The following ZNF208 variants were observed in gnomAD, a reference collection of about 807,000 sequenced individuals.
ZNF208 encodes zinc finger protein 208, also known as zinc finger protein 95.
ZNF208 carries 10 observed loss-of-function variants against 12.1 expected under a neutral mutation model. The observed-to-expected ratio is 0.83, with a 90% confidence interval of 0.51 to 1.40. The LOEUF (loss-of-function observed/expected upper bound fraction) is 1.40, where lower values mean the gene tolerates loss of function less well. Among genes scored for constraint, ZNF208 ranks in the 40% most tolerant of loss-of-function variants. ZNF208 has a pLI of 0.00. For synonymous variants in ZNF208, 497 were observed against 488.4 expected (o/e 1.02, Z -0.23); for missense variants, 1,652 against 1,485.0 (o/e 1.11, Z -1.85).
Position 21,987,784 on chromosome 19 carries a change from A to G in ZNF208, c.131-473T>C, listed in dbSNP as rs548299549. ...ACCACCACTGCTATAGATTAGGTGT[A>G]TGACACACTACCTCCCTTTCACCAT... is the stretch of plus-strand genomic sequence containing the variant. On this transcript the variant is annotated intron_variant, in intron 2 of 3. Coordinates refer to ENST00000397126, the MANE Select transcript of ZNF208 (RefSeq NM_007153.3). Among the ~76,000 whole-genome samples the G allele has an allele frequency of 1.2e-3, 179 of 152,324 alleles. 1 individual carries two copies. Among genetic ancestry groups the G allele is most frequent in the Non-Finnish European group, 1.5e-5 (1 of 68,032 alleles).
intron 3 of ZNF208, among the ~76,000 whole-genome samples, chr19:21,982,654 A>C (rs1301864184): frequency 6.6e-6 from 1 of 152,148 alleles, no homozygotes; most frequent in Non-Finnish European, 1.5e-5. Flanking sequence ...TGGTACTGGT[A>C]TCAAAGCAGA....
intron 4 of ZNF208, among the ~76,000 whole-genome samples, chr19:21,952,239 C>T (rs1969901041): frequency 6.6e-6 from 1 of 152,192 alleles, no homozygotes; most frequent in Non-Finnish European, 1.5e-5. Context: ...GAACAAAAGG[C>T]AGCAGATAGC....
At chr19:21,947,336 G>A (rs1568432876) in intron 4 of ZNF208, among the ~76,000 whole-genome samples, 1 of 152,108 alleles carries the variant, frequency 6.6e-6, no homozygotes. Flanking sequence ...TCCTTTATGA[G>A]ACAAGTTCAT....
intron 4 of ZNF208, among the ~76,000 whole-genome samples, chr19:21,954,380 G>T (rs1286880494): frequency 6.6e-6 from 1 of 152,156 alleles, no homozygotes; most frequent in Admixed American, 6.5e-5. Context: ...TTCAATTCCT[G>T]GATATCCTTG....
At chr19:21,946,942 T>TC (rs979727953) in intron 4 of ZNF208, among the ~76,000 whole-genome samples, 1 of 146,040 alleles carries the variant, frequency 6.8e-6, no homozygotes, top group Admixed American at 6.7e-5. Flanking sequence ...GAACTTCCAG[T>TC]CTTTTTTTTT....
chr19:21,973,180 A>T lies in ZNF208; in HGVS notation c.1854T>A (p.Phe618Leu), dbSNP rs760978496. The T allele has an allele frequency of 2.5e-6, 4 of 1,613,238 alleles. No individual in the cohort carries two copies. Among genetic ancestry groups the T allele is most frequent in the Non-Finnish European group, 3.4e-6 (4 of 1,179,808 alleles). The change falls in exon 4 of 4, where the codon TTT becomes TTA. Residue 618 changes from phenylalanine (F) to leucine (L), a missense_variant. Phe to Leu is a conservative substitution (Grantham distance 22, BLOSUM62 0). This residue lies in a region of ZNF208 where 1,239 missense variants were observed against 1,086.2 expected (regional missense o/e 1.14). Coordinates refer to ENST00000397126, the MANE Select transcript of ZNF208 (RefSeq NM_007153.3). Reference sequence around the variant, plus strand: ...GTGTAGTAAGGGTTGAGACCTTACTAAAGGTTTTGCCACATTCTTCACATT... The same window carrying T: ...GTGTAGTAAGGGTTGAGACCTTACTTAAGGTTTTGCCACATTCTTCACATT... ...PYKCEECGKTFSKVSTLTTHK... is the reference protein window; with the variant it reads ...PYKCEECGKTLSKVSTLTTHK...
In ZNF208 at chr19:21,988,803, T is replaced by C. The variant is rs183862141; in HGVS notation, c.110A>G (p.Tyr37Cys). ...CTCACCCAGGAAGACCAGGTTTCTG[T>C]AGTTCTCTAACATCACATTTCTATA... ...NLYRNVMLEN[Y>C]RNLVFLGIAA... Residue 37 changes from tyrosine (Y) to cysteine (C), a missense_variant, in exon 2 of 4, where the codon TAC becomes TGC. By Grantham distance (194) the Tyr-to-Cys change is radical (BLOSUM62 -2). Coordinates refer to ENST00000397126, the MANE Select transcript of ZNF208 (RefSeq NM_007153.3). 1.3e-5 allele frequency: 21 copies of C among 1,614,198 alleles called. No homozygotes were observed. In the East Asian group the frequency reaches 3.6e-4, roughly 27 times the overall value.
intron 4 of ZNF208, among the ~76,000 whole-genome samples, chr19:21,954,518 C>A (rs138929382): frequency 3.0e-4 from 46 of 152,238 alleles, no homozygotes; most frequent in African/African-American, 1.0e-3. Flanking sequence ...CTGGGTGCTC[C>A]TTTATTGGGT....
intron 1 of ZNF208, among the ~76,000 whole-genome samples, chr19:22,008,227 C>T (rs189012866): frequency 0.01 from 1,489 of 143,452 alleles, 9 homozygotes; most frequent in Non-Finnish European, 0.016. Context: ...TGCTTGAACC[C>T]GGGAGGCAGA....
At chr19:21,965,280 T>C (rs1970144105), downstream of ZNF208, among the ~76,000 whole-genome samples, 3 of 152,072 alleles carry the variant, frequency 2.0e-5, no homozygotes, top group South Asian at 6.2e-4. Flanking sequence ...AGTTTTGAAA[T>C]ACTGTCATTT....
chr19:21,976,235 G>A (rs1331843459), intron 3 of ZNF208, among the ~76,000 whole-genome samples: 2 of 152,106 alleles, frequency 1.3e-5, no homozygotes, highest in East Asian at 1.9e-4. Flanking sequence ...AAATTTAAGA[G>A]CAGACATAAT....
At chr19:21,955,641 G>C (rs1969961392) in intron 4 of ZNF208, among the ~76,000 whole-genome samples, 1 of 152,106 alleles carries the variant, frequency 6.6e-6, no homozygotes, top group Non-Finnish European at 1.5e-5. Context: ...ACTTATGCAT[G>C]TGTCATGTAG....
intron 3 of ZNF208, among the ~76,000 whole-genome samples, chr19:21,976,539 C>A (rs1970433525): frequency 6.6e-6 from 1 of 152,140 alleles, no homozygotes; most frequent in Non-Finnish European, 1.5e-5. Context: ...ACTTTCAAAT[C>A]AACAGATATC....
chr19:21,951,968 C>A (rs1969895675), intron 4 of ZNF208, among the ~76,000 whole-genome samples: 1 of 152,202 alleles, frequency 6.6e-6, no homozygotes, highest in Non-Finnish European at 1.5e-5. Context: ...TTCCCAAGGT[C>A]TTAGCAACCA....
In ZNF208 at chr19:21,974,591, C is replaced by T. The variant is rs1255398971; in HGVS notation, c.443G>A (p.Gly148Asp). The change falls in exon 4 of 4, where the codon GGC (glycine) becomes GAC (aspartate). Residue 148 changes from glycine to aspartate, a missense_variant. Physicochemically the swap from Gly to Asp is moderately conservative, Grantham distance 94. This residue lies in a region of ZNF208 where 410 missense variants were observed against 378.2 expected (regional missense o/e 1.08). Coordinates refer to ENST00000397126, the MANE Select transcript of ZNF208 (RefSeq NM_007153.3). The part of the protein sequence containing the change: ...TTTQSKVFQR[G>D]KYANVFHKCS... ...TTTATGAAAGACATTTGCATATTTGCCACGTTGAAATACTTTGCTCTGTGT... is the reference window on the plus strand; with the variant it reads ...TTTATGAAAGACATTTGCATATTTGTCACGTTGAAATACTTTGCTCTGTGT... The T allele has an allele frequency of 2.5e-6, 4 of 1,613,612 alleles. No homozygotes were observed. Among genetic ancestry groups the T allele is most frequent in the Non-Finnish European group, 2.5e-6 (3 of 1,179,716 alleles).
At chr19:21,978,153 A>G (rs1970467910) in intron 3 of ZNF208, among the ~76,000 whole-genome samples, 1 of 152,190 alleles carries the variant, frequency 6.6e-6, no homozygotes, top group African/African-American at 2.4e-5. Context: ...CAGCTTCAGC[A>G]GACTTAAACA....
chr19:21,951,012 G>A (rs1969879811), intron 4 of ZNF208, among the ~76,000 whole-genome samples: 2 of 152,158 alleles, frequency 1.3e-5, no homozygotes, highest in Non-Finnish European at 2.9e-5. Flanking sequence ...GTGCCTCTTG[G>A]TTCATGCAAC....
downstream of ZNF208, among the ~76,000 whole-genome samples, chr19:21,961,809 C>T (rs1970075578): frequency 1.3e-5 from 2 of 152,100 alleles, no homozygotes; most frequent in Non-Finnish European, 2.9e-5. Flanking sequence ...CTATTCTGCC[C>T]TACCCCACAG....
rs1291372176 is a variant in ZNF208, at chr19:21,969,266, C to T, written c.*1925G>A. On this transcript the variant is annotated 3_prime_UTR_variant, in exon 4 of 4. Transcript: ENST00000397126. ...TCACAAAGTATTGGCCACAGTAAGC[C>T]AATGTGTCTGGAAAAAAAAAAAATC... Among the ~76,000 whole-genome samples, 1 of 131,044 alleles carries T rather than the reference C, an allele frequency of 7.6e-6. No homozygotes were observed. Among genetic ancestry groups the T allele is most frequent in the Non-Finnish European group, 1.6e-5 (1 of 61,916 alleles). The allele number at this position is 131,044 out of a possible 152,430, so 86.0% of individuals were successfully genotyped here. A position where few individuals can be genotyped will look rare whatever the true frequency, so the allele number is the denominator to read the frequency against.
Sources: gnomAD v4.1 joint callset for allele counts (sites outside exome capture counted in the v4.1 genomes callset) on GRCh38, gnomAD v4.1.1 for gene constraint, gnomAD v4.1.1 regional missense constraint, MANE v1.5 for transcripts, NCBI Gene and HGNC (gene_info 2026-07-23, HGNC 2026-07-21) for gene names.